Variants in PRKCA observed in about 807,000 individuals in gnomAD.
The protein encoded by PRKCA is protein kinase C alpha type.
A neutral mutation model predicts 87.0 loss-of-function variants in PRKCA; 27 were observed. The ratio of observed to expected loss-of-function variants is 0.31; its 90% CI spans 0.23 to 0.43. The LOEUF (loss-of-function observed/expected upper bound fraction) is 0.43, where lower values mean the gene tolerates loss of function less well. Among genes scored for constraint, PRKCA ranks in the 20% least tolerant of loss-of-function variants. The probability of loss-of-function intolerance (pLI) is 1.00; values close to 1 mark genes in which losing one functional copy is unlikely to be tolerated. For synonymous variants in PRKCA, 329 were observed against 311.1 expected, an observed-to-expected ratio of 1.06 and a Z score of -0.61; for missense variants, 518 against 852.3, an observed-to-expected ratio of 0.61 and a Z score of 4.88.
intron 13 of PRKCA, among the ~76,000 whole-genome samples, chr17:66,751,968 A>G (rs1157576861): frequency 6.6e-6 from 1 of 152,222 alleles, no homozygotes; most frequent in Non-Finnish European, 1.5e-5. Flanking sequence ...TTCATGAGAA[A>G]CTGCTCCCAT....
chr17:66,368,028 G>A (rs1908835256), intron 2 of PRKCA, among the ~76,000 whole-genome samples: 1 of 152,134 alleles, frequency 6.6e-6, no homozygotes, highest in Non-Finnish European at 1.5e-5. Flanking sequence ...ATACTGTTCT[G>A]AGAGGTACTT....
chr17:66,396,275 G>A (rs756038283), intron 2 of PRKCA, among the ~76,000 whole-genome samples: 2 of 152,142 alleles, frequency 1.3e-5, no homozygotes, highest in Admixed American at 1.3e-4. Flanking sequence ...AAACATTAGA[G>A]TATTTTGTGT....
chr17:66,788,938 C>T lies in PRKCA; in HGVS notation c.1813C>T (p.Leu605=). The T allele has an allele frequency of 1.2e-6, 2 of 1,614,126 alleles. No homozygotes were observed. The highest frequency in any genetic ancestry group is 4.5e-5 in the East Asian group (2 of 44,882). ...AFFRRIDWEK[L]ENREIQPPFK... is the part of the protein sequence containing the mutation. ...CTTCCGGAGGATCGACTGGGAAAAA[C>T]TGGAGAACAGGGAGATCCAGCCACC... is the stretch of plus-strand genomic sequence containing the variant. Residue 605 remains leucine (L), a synonymous_variant, in exon 16 of 17, where the codon CTG becomes TTG. Transcript: ENST00000413366.
chr17:66,498,994 C>T (rs1659832337), intron 3 of PRKCA, among the ~76,000 whole-genome samples: 1 of 152,162 alleles, frequency 6.6e-6, no homozygotes, highest in African/African-American at 2.4e-5. Context: ...AATACAGTCA[C>T]ATTGGCGGTT....
At chr17:66,451,765 C>G (rs1230994329) in intron 2 of PRKCA, among the ~76,000 whole-genome samples, 1 of 152,160 alleles carries the variant, frequency 6.6e-6, no homozygotes, top group Non-Finnish European at 1.5e-5. Context: ...CTGTCCACAG[C>G]ACTGCCCGCC....
At chr17:66,485,328 T>C (rs2144069047) in intron 2 of PRKCA, among the ~76,000 whole-genome samples, 1 of 152,250 alleles carries the variant, frequency 6.6e-6, no homozygotes, top group South Asian at 2.1e-4. Context: ...TCCTGAAAGG[T>C]ACATTGCTTC....
chr17:66,594,327 G>T (rs1462413847), intron 3 of PRKCA, among the ~76,000 whole-genome samples: 1 of 152,142 alleles, frequency 6.6e-6, no homozygotes. Flanking sequence ...GTGGTCTAAG[G>T]ACTGCAGGAT....
At chr17:66,411,856 G>GCCGA (rs145418891) in intron 2 of PRKCA, among the ~76,000 whole-genome samples, 136 of 151,318 alleles carry the variant, frequency 9.0e-4, no homozygotes, top group Non-Finnish European at 1.5e-3. Flanking sequence ...TGAGCAATGG[G>GCCGA]CCGCCTACTT....
chr17:66,379,635 C>G (rs1723237093), intron 2 of PRKCA, among the ~76,000 whole-genome samples: 1 of 152,106 alleles, frequency 6.6e-6, no homozygotes, highest in Non-Finnish European at 1.5e-5. Flanking sequence ...CACTTTTTGC[C>G]TGTTCGGTTT....
At chr17:66,397,365 G>A (rs1014377099) in intron 2 of PRKCA, among the ~76,000 whole-genome samples, 1 of 149,002 alleles carries the variant, frequency 6.7e-6, no homozygotes, top group African/African-American at 2.5e-5. Flanking sequence ...TTCACCCCTG[G>A]GGTGTGAGTG....
chr17:66,417,838 T>C (rs1432261613), intron 2 of PRKCA, among the ~76,000 whole-genome samples: 1 of 152,180 alleles, frequency 6.6e-6, no homozygotes, highest in Non-Finnish European at 1.5e-5. Flanking sequence ...CTAGAGTTGC[T>C]CAGGCCATTC....
intron 2 of PRKCA, among the ~76,000 whole-genome samples, chr17:66,430,197 G>A (rs1049091105): frequency 3.3e-5 from 5 of 152,000 alleles, no homozygotes; most frequent in African/African-American, 4.8e-5. Context: ...GGATCCATGC[G>A]GAGAGAGAAC....
At chr17:66,796,810 A>C in intron 16 of PRKCA, 1 of 985,394 alleles carries the variant, frequency 1.0e-6, no homozygotes, top group Non-Finnish European at 1.2e-6. Flanking sequence ...AAGGCGCTCC[A>C]CTGTACCCCA....
rs773823088 is a variant in PRKCA, at chr17:66,788,917, C to T, written c.1792C>T (p.Arg598Trp). The change falls in exon 16 of 17, where the codon CGG becomes TGG. Residue 598 changes from arginine to tryptophan, a missense_variant. This residue lies in a region of PRKCA where 159 missense variants were observed against 232.4 expected (regional missense o/e 0.68). Coordinates refer to ENST00000413366, the MANE Select transcript of PRKCA (RefSeq NM_002737.3). ...ERDVREHAFF[R>W]RIDWEKLENR... ...GGACGTGAGAGAGCATGCCTTCTTC[C>T]GGAGGATCGACTGGGAAAAACTGGA... 5.0e-6 allele frequency: 8 copies of T among 1,614,100 alleles called. No individual in the cohort carries two copies. Among genetic ancestry groups the T allele is most frequent in the South Asian group, 2.2e-5 (2 of 91,064 alleles).
At chr17:66,754,867 C>T (rs748971969) in intron 13 of PRKCA, among the ~76,000 whole-genome samples, 1 of 152,052 alleles carries the variant, frequency 6.6e-6, no homozygotes, top group Non-Finnish European at 1.5e-5. Context: ...GACGGAATTG[C>T]ACCTGTCAGA....
Position 66,583,555 on chromosome 17 carries a change from A to C in PRKCA, c.289-57800A>C, listed in dbSNP as rs1969506334. Among the ~76,000 whole-genome samples the C allele has an allele frequency of 2.0e-5, 3 of 152,020 alleles. No homozygotes were observed. The South Asian group carries it at 6.2e-4, about 32-fold the overall frequency. ...GCTGCTCTCACATATCTTTGATGGAAACCAAACAACTCCTGGGTTAATGTT... is the reference window on the plus strand; with the variant it reads ...GCTGCTCTCACATATCTTTGATGGACACCAAACAACTCCTGGGTTAATGTT... On this transcript the variant is annotated intron_variant, in intron 3 of 16. Coordinates refer to ENST00000413366, the MANE Select transcript of PRKCA (RefSeq NM_002737.3).
intron 3 of PRKCA, among the ~76,000 whole-genome samples, chr17:66,582,458 C>T (rs1969474108): frequency 6.6e-6 from 1 of 152,122 alleles, no homozygotes; most frequent in Non-Finnish European, 1.5e-5. Flanking sequence ...ATGCTGTTCT[C>T]ATGGTAGTGG....
chr17:66,367,370 AG>A (rs1908798819), intron 2 of PRKCA, among the ~76,000 whole-genome samples: 1 of 152,248 alleles, frequency 6.6e-6, no homozygotes, highest in Non-Finnish European at 1.5e-5. Flanking sequence ...CTGGGAGGAC[AG>A]GTGAAAAATG....
chr17:66,785,600 G>A (rs964612448), intron 14 of PRKCA, among the ~76,000 whole-genome samples: 5 of 152,188 alleles, frequency 3.3e-5, no homozygotes, highest in South Asian at 2.1e-4. Context: ...CAGAGTGACC[G>A]GGAAGTGATG....
Sources: allele counts gnomAD v4.1 joint callset (sites outside exome capture counted in the v4.1 genomes callset), GRCh38; gene constraint gnomAD v4.1.1; regional missense constraint gnomAD v4.1.1; transcripts MANE v1.5; gene names NCBI Gene and HGNC (gene_info 2026-07-23, HGNC 2026-07-21).